Variants in GALNT17 observed in about 807,000 individuals in gnomAD.
GALNT17 encodes UDP-GalNAc:polypeptide N-acetylgalactosaminyltransferase-like 3.
A neutral mutation model predicts 63.7 loss-of-function variants in GALNT17; 29 were observed. The observed-to-expected ratio is 0.46, with a 90% CI of 0.34 to 0.62. The LOEUF is 0.62. GALNT17 is among the 20% of genes least tolerant of loss of function. The pLI is 0.01. For missense variants in GALNT17, 603 were observed against 799.6 expected (o/e 0.75, Z 2.97); for synonymous variants, 305 against 318.3 (o/e 0.96, Z 0.45).
chr7:71,242,266 C>CT (rs1790010779), intron 1 of GALNT17, among the ~76,000 whole-genome samples: 3 of 116,428 alleles, frequency 2.6e-5, no homozygotes, highest in Non-Finnish European at 3.7e-5. Flanking sequence ...TTTTCTTTTT[C>CT]TTTTTCTTTT....
chr7:71,147,006 G>A (rs1788036609), intron 1 of GALNT17, among the ~76,000 whole-genome samples: 1 of 152,164 alleles, frequency 6.6e-6, no homozygotes, highest in Admixed American at 6.5e-5. Flanking sequence ...CAGCTTGTTA[G>A]GTGCTGTACT....
intron 5 of GALNT17, among the ~76,000 whole-genome samples, chr7:71,564,940 A>G (rs1789315732): frequency 6.6e-6 from 1 of 152,182 alleles, no homozygotes; most frequent in African/African-American, 2.4e-5. Flanking sequence ...ACACAGCCAC[A>G]GACACCATCC....
At chr7:71,277,764 G>C (rs1386732690) in intron 1 of GALNT17, among the ~76,000 whole-genome samples, 1 of 152,092 alleles carries the variant, frequency 6.6e-6, no homozygotes, top group South Asian at 2.1e-4. Flanking sequence ...TGTTTCCTTT[G>C]GAGGAATAAT....
At chr7:71,588,988 A>G (rs1789760176) in intron 6 of GALNT17, among the ~76,000 whole-genome samples, 1 of 152,212 alleles carries the variant, frequency 6.6e-6, no homozygotes, top group South Asian at 2.1e-4. Context: ...ATAAGGGTCA[A>G]TACGGGGCCC....
chr7:71,573,001 T>G (rs574197473), intron 6 of GALNT17, among the ~76,000 whole-genome samples: 1 of 147,366 alleles, frequency 6.8e-6, no homozygotes, highest in East Asian at 1.9e-4. Flanking sequence ...TTTTTATTTA[T>G]TTATTTTATT....
At chr7:71,515,018 C>G (rs1400111032) in intron 5 of GALNT17, among the ~76,000 whole-genome samples, 2 of 152,220 alleles carry the variant, frequency 1.3e-5, no homozygotes, top group Non-Finnish European at 2.9e-5. Context: ...CTTTCATTCT[C>G]TCTTGCCTCC....
chr7:71,494,273 C>A (rs1788058219), intron 5 of GALNT17, among the ~76,000 whole-genome samples: 1 of 151,870 alleles, frequency 6.6e-6, no homozygotes, highest in African/African-American at 2.4e-5. Flanking sequence ...ATGATCCAAT[C>A]ACCTCCCACC....
At chr7:71,573,905 A>G (rs887535389) in intron 6 of GALNT17, among the ~76,000 whole-genome samples, 5 of 152,146 alleles carry the variant, frequency 3.3e-5, no homozygotes, top group Middle Eastern at 3.4e-3. Context: ...TTCAGTTCCC[A>G]CTTATACATG....
chr7:71,692,309 A>G (rs940452107), intron 9 of GALNT17, among the ~76,000 whole-genome samples: 19 of 152,160 alleles, frequency 1.2e-4, no homozygotes, highest in African/African-American at 4.3e-4. Flanking sequence ...CCACCCTACA[A>G]CAACTATTAT....
At chr7:71,168,295 C>G (rs868062894) in intron 1 of GALNT17, among the ~76,000 whole-genome samples, 1 of 151,976 alleles carries the variant, frequency 6.6e-6, no homozygotes, top group Non-Finnish European at 1.5e-5. Context: ...ATATTTGGGC[C>G]GGGCGCGGTG....
intron 1 of GALNT17, among the ~76,000 whole-genome samples, chr7:71,176,936 G>C (rs1788649800): frequency 6.6e-6 from 1 of 152,178 alleles, no homozygotes; most frequent in Admixed American, 6.5e-5. Flanking sequence ...GCCCTAAAGA[G>C]CTTTGTCTCT....
chr7:71,583,853 G>C (rs1164625375), intron 6 of GALNT17, among the ~76,000 whole-genome samples: 2 of 152,078 alleles, frequency 1.3e-5, no homozygotes, highest in East Asian at 3.9e-4. Flanking sequence ...GGCTGGGCGC[G>C]GTGGCTCACG....
intron 5 of GALNT17, among the ~76,000 whole-genome samples, chr7:71,514,390 A>C (rs2116733784): frequency 6.6e-6 from 1 of 151,976 alleles, no homozygotes; most frequent in Admixed American, 6.5e-5. Context: ...AACCCTATTG[A>C]GCTCATAAAC....
At chr7:71,475,979 A>C (rs79394883) in intron 5 of GALNT17, among the ~76,000 whole-genome samples, 3 of 148,580 alleles carry the variant, frequency 2.0e-5, no homozygotes, top group Admixed American at 6.8e-5. Context: ...TGATACTACT[A>C]CTCCTCCTAC....
chr7:71,290,315 T>C (rs1790956751), intron 1 of GALNT17, among the ~76,000 whole-genome samples: 1 of 152,200 alleles, frequency 6.6e-6, no homozygotes, highest in South Asian at 2.1e-4. Context: ...TTTCGCTTTA[T>C]GACAAGAGTC....
intron 5 of GALNT17, among the ~76,000 whole-genome samples, chr7:71,424,485 G>C (rs1175292904): frequency 6.6e-6 from 1 of 152,178 alleles, no homozygotes; most frequent in Admixed American, 6.5e-5. Context: ...TAAGCAAAAA[G>C]TTAGCTTGTA....
At chr7:71,692,824 C>T (rs1289770980) in intron 9 of GALNT17, among the ~76,000 whole-genome samples, 2 of 151,352 alleles carry the variant, frequency 1.3e-5, no homozygotes, top group African/African-American at 2.4e-5. Context: ...CTGCAACCTC[C>T]ACCTCCCAGG....
chr7:71,318,510 C>A (rs1425910075), intron 1 of GALNT17, among the ~76,000 whole-genome samples: 1 of 151,234 alleles, frequency 6.6e-6, no homozygotes, highest in Non-Finnish European at 1.5e-5. Context: ...ACCACTGCCT[C>A]CTGGGTTCAA....
At chr7:71,143,618 C>T (rs1156315417) in intron 1 of GALNT17, among the ~76,000 whole-genome samples, 1 of 151,810 alleles carries the variant, frequency 6.6e-6, no homozygotes, top group Non-Finnish European at 1.5e-5. Flanking sequence ...GGTTTTGGAT[C>T]CTAGGTTGGT....
Sources: allele counts gnomAD v4.1 joint callset (sites outside exome capture counted in the v4.1 genomes callset), GRCh38; gene constraint gnomAD v4.1.1; transcripts MANE v1.5; gene names NCBI Gene and HGNC (gene_info 2026-07-23, HGNC 2026-07-21).